LIPJ: variants seen among roughly 807,000 people sequenced by gnomAD.
The protein encoded by LIPJ is lipase family member J, also known as lipase member J.
Under a neutral mutation model 39.8 loss-of-function variants are expected in LIPJ, and 33 were observed. That is an observed-to-expected ratio of 0.83 (90% CI 0.63 to 1.11). The LOEUF is 1.11. LIPJ is among the 50% of genes least tolerant of loss of function. The pLI is 0.00. For missense variants in LIPJ, 422 were observed against 427.9 expected (o/e 0.99, Z 0.12); for synonymous variants, 128 against 139.2 (o/e 0.92, Z 0.57).
chr10:88,604,367 T>C (rs1308301908), intron 9 of LIPJ, among the ~76,000 whole-genome samples: 1 of 152,212 alleles, frequency 6.6e-6, no homozygotes. Context: ...TGATATGATA[T>C]AGTTTACACT....
At chr10:88,606,585 T>C (rs1851669758) in intron 10 of LIPJ, 89 bp from the exon 11 acceptor site, 2 of 744,198 alleles carry the variant, frequency 2.7e-6, no homozygotes, top group South Asian at 1.9e-5. Context: ...TAAAACAGTA[T>C]TTAAACTCAT....
downstream of LIPJ, among the ~76,000 whole-genome samples, chr10:88,609,760 G>A (rs1404921121): frequency 3.4e-5 from 5 of 147,432 alleles, no homozygotes; most frequent in East Asian, 2.0e-4. Flanking sequence ...TTAGCTGGGC[G>A]TGGTGGTGTG....
At chr10:88,587,717 C>G (rs536740462) in intron 2 of LIPJ, among the ~76,000 whole-genome samples, 1 of 151,950 alleles carries the variant, frequency 6.6e-6, no homozygotes, top group Non-Finnish European at 1.5e-5. Flanking sequence ...GAGCAAACAC[C>G]AGTGATTTGC....
chr10:88,596,840 C>T (rs751090349), exon 8 of LIPJ: 20 of 1,600,962 alleles, frequency 1.2e-5, no homozygotes, highest in Admixed American at 1.0e-4. Context: ...TTAAAAAATT[C>T]ATTGGTTCAA....
chr10:88,596,538 T>G, intron 7 of LIPJ, 122 bp downstream of exon 7: 1 of 1,043,116 alleles, frequency 9.6e-7, no homozygotes, highest in East Asian at 2.7e-5. Flanking sequence ...TGGTTTCATT[T>G]ACACTACATT....
At chr10:88,607,048 C>A, downstream of LIPJ, 1 of 838,798 alleles carries the variant, frequency 1.2e-6, no homozygotes, top group Non-Finnish European at 1.6e-6. Flanking sequence ...GACCTTAGGC[C>A]CTCCAGTCAT....
chr10:88,583,160 T>C, upstream of LIPJ: 1 of 1,613,950 alleles, frequency 6.2e-7, no homozygotes, highest in South Asian at 1.1e-5. Context: ...CTTCCTGTCA[T>C]CCCGGCGCCC....
upstream of LIPJ, chr10:88,584,532 A>G (rs551670275): frequency 6.6e-6 from 1 of 152,372 alleles, no homozygotes; most frequent in African/African-American, 2.4e-5. Flanking sequence ...TAAGTCCAAT[A>G]AGCATGTGTT....
At chr10:88,593,992 C>A (rs138052355) in exon 5 of LIPJ, 1 of 1,612,166 alleles carries the variant, frequency 6.2e-7, no homozygotes, top group Non-Finnish European at 8.5e-7. Flanking sequence ...TTACATCTGC[C>A]AGCAGCTGGA....
chr10:88,583,573 C>T (rs1564925924), upstream of LIPJ: 2 of 1,016,426 alleles, frequency 2.0e-6, no homozygotes, highest in East Asian at 9.7e-5. Flanking sequence ...ACTGCGATAA[C>T]TCTCATGCCT....
chr10:88,588,676 C>A (rs1850990049), intron 2 of LIPJ, among the ~76,000 whole-genome samples: 2 of 151,822 alleles, frequency 1.3e-5, no homozygotes, highest in Admixed American at 6.6e-5. Context: ...ATTAACAATA[C>A]AGAAAATCTT....
downstream of LIPJ, among the ~76,000 whole-genome samples, chr10:88,609,699 G>A (rs1851727121): frequency 6.6e-6 from 1 of 152,044 alleles, no homozygotes; most frequent in African/African-American, 2.4e-5. Context: ...AAGAGATCGG[G>A]ACCATCCTGG....
At chr10:88,600,090 G>A (rs78250822) in intron 8 of LIPJ, among the ~76,000 whole-genome samples, 2,737 of 151,908 alleles carry the variant, frequency 0.018, 62 homozygotes, top group South Asian at 0.085. Context: ...ATTATAAAAT[G>A]TATCATTTAT....
At chr10:88,606,592 T>G (rs1223485036) in intron 10 of LIPJ, 82 bp from the exon 11 acceptor site, 1 of 772,056 alleles carries the variant, frequency 1.3e-6, no homozygotes, top group East Asian at 2.6e-5. Context: ...GTATTTAAAC[T>G]CATCATTTTA....
chr10:88,623,065 C>T, the LIPJ span, among the ~76,000 whole-genome samples: 9 of 152,166 alleles, frequency 5.9e-5, no homozygotes, highest in African/African-American at 2.2e-4. Flanking sequence ...TTCTATACCT[C>T]TAAGTGTCCA....
At chr10:88,602,079 C>T (rs12777350) in intron 8 of LIPJ, among the ~76,000 whole-genome samples, 7,014 of 152,154 alleles carry the variant, frequency 0.046, 218 homozygotes, top group East Asian at 0.092. Flanking sequence ...AATCTTTCAA[C>T]TTTGACAGGC....
the LIPJ span, among the ~76,000 whole-genome samples, chr10:88,622,579 A>G: frequency 6.6e-6 from 1 of 152,158 alleles, no homozygotes; most frequent in Non-Finnish European, 1.5e-5. Context: ...TGATTCTGAC[A>G]GTACTGACCC....
chr10:88,606,923 T>C, exon 11 of LIPJ: 2 of 1,469,430 alleles, frequency 1.4e-6, no homozygotes, highest in East Asian at 2.4e-5. Flanking sequence ...CATGGCGCTG[T>C]GTGTTTAAAG....
chr10:88,609,221 G>A (rs1003772973), downstream of LIPJ, among the ~76,000 whole-genome samples: 1 of 152,194 alleles, frequency 6.6e-6, no homozygotes, highest in African/African-American at 2.4e-5. Flanking sequence ...TAAAATATGT[G>A]TATAGGTTAT....
Sources: allele counts gnomAD v4.1 joint callset (sites outside exome capture counted in the v4.1 genomes callset), GRCh38; gene constraint gnomAD v4.1.1; transcripts MANE v1.5; gene names NCBI Gene and HGNC (gene_info 2026-07-23, HGNC 2026-07-21).